The following PLA2G6 variants were observed in gnomAD, a reference collection of about 807,000 sequenced individuals.
The protein encoded by PLA2G6 is 85/88 kDa calcium-independent phospholipase A2.
PLA2G6 carries 62 observed loss-of-function variants against 83.8 expected under a neutral mutation model. The observed-to-expected ratio is 0.74, with a 90% CI of 0.60 to 0.91. The LOEUF (loss-of-function observed/expected upper bound fraction) is 0.91, where lower values mean the gene tolerates loss of function less well. PLA2G6 is among the 40% of genes least tolerant of loss of function. The pLI is 0.00. For synonymous variants in PLA2G6, 417 were observed against 449.8 expected, an observed-to-expected ratio of 0.93 and a Z score of 0.92; for missense variants, 944 against 1,102.0, an observed-to-expected ratio of 0.86 and a Z score of 2.03.
chr22:38,144,972 C>T (rs1422491066), intron 3 of PLA2G6: 1 of 366,680 alleles, frequency 2.7e-6, no homozygotes, highest in Non-Finnish European at 5.2e-6. Context: ...GGTGAGCACT[C>T]CGGACTCTGG....
At position 38,115,682 on chromosome 22, in the gene PLA2G6, C is replaced by A; in HGVS notation, c.1880-1G>T. On this transcript the variant is annotated splice_acceptor_variant, in intron 13 of 16. Coordinates refer to ENST00000332509, the MANE Select transcript of PLA2G6 (RefSeq NM_003560.4). LOFTEE classifies it high-confidence loss of function. ...CGGGCCGCCCGCCACACCAGCTGGT[C>A]TAGGGGCGGGGAAGGAGGGCGGCCC... The A allele has an allele frequency of 6.3e-7, 1 of 1,599,970 alleles. No individual in the cohort carries two copies. The highest frequency in any genetic ancestry group is 1.1e-5 in the South Asian group (1 of 89,320).
intron 9 of PLA2G6, chr22:38,127,305 C>T (rs1436363176): frequency 2.3e-5 from 29 of 1,274,864 alleles, no homozygotes; most frequent in African/African-American, 3.1e-5. Flanking sequence ...GGGGAGGGGG[C>T]GTGTGGTGTG....
At position 38,111,860 on chromosome 22, in the gene PLA2G6, C is replaced by T. The variant is rs11570769; in HGVS notation, c.*301G>A. On this transcript the variant is annotated 3_prime_UTR_variant, in exon 17 of 17. Coordinates refer to ENST00000332509, the MANE Select transcript of PLA2G6 (RefSeq NM_003560.4). ...CTGGGGGCAGGGGTACGGTTGTGCC[C>T]GGGTACCCTTAATGTTTGAGCTGAT... 1.8e-3 allele frequency: 805 copies of T among 446,950 alleles called. 16 individuals carry two copies. In the East Asian group the frequency reaches 0.031, roughly 17 times the overall value. 27.7% of individuals were successfully genotyped at this position (446,950 alleles called of 1,614,324 possible).
intron 7 of PLA2G6, chr22:38,131,806 C>T (rs992392493): frequency 5.6e-5 from 15 of 266,858 alleles, no homozygotes; most frequent in East Asian, 5.1e-4. Context: ...AACGTGCACA[C>T]GGTGGGGCGC....
chr22:38,113,946 G>A (rs1602058318), intron 14 of PLA2G6: 1 of 506,356 alleles, frequency 2.0e-6, no homozygotes, highest in South Asian at 1.8e-5. Context: ...TCTGATGCTG[G>A]CCCAAGTCAA....
intron 14 of PLA2G6, among the ~76,000 whole-genome samples, chr22:38,115,137 A>G (rs991114306): frequency 6.6e-6 from 1 of 152,204 alleles, no homozygotes; most frequent in African/African-American, 2.4e-5. Context: ...CTTTTAGCAG[A>G]GGCCTCACGG....
At chr22:38,164,099 T>C (rs2090124656) in intron 2 of PLA2G6, among the ~76,000 whole-genome samples, 1 of 152,140 alleles carries the variant, frequency 6.6e-6, no homozygotes, top group South Asian at 2.1e-4. Flanking sequence ...ATGCCAGCCG[T>C]AAATGATTAA....
intron 1 of PLA2G6, among the ~76,000 whole-genome samples, chr22:38,173,772 G>A (rs954051810): frequency 6.6e-6 from 1 of 152,202 alleles, no homozygotes; most frequent in Non-Finnish European, 1.5e-5. Flanking sequence ...AATTAAGGCC[G>A]GGCACAGTGG....
intron 1 of PLA2G6, among the ~76,000 whole-genome samples, chr22:38,177,810 G>T (rs143315414): frequency 6.6e-6 from 1 of 152,092 alleles, no homozygotes; most frequent in Non-Finnish European, 1.5e-5. Flanking sequence ...AAAGGTCCAG[G>T]TCTCTCCACA....
chr22:38,172,076 T>A (rs2090458424), intron 1 of PLA2G6, among the ~76,000 whole-genome samples: 1 of 152,132 alleles, frequency 6.6e-6, no homozygotes. Context: ...CAACTGCCCC[T>A]CCTGCCAGAC....
intron 1 of PLA2G6, among the ~76,000 whole-genome samples, chr22:38,173,659 G>A (rs1237490499): frequency 6.6e-6 from 1 of 152,186 alleles, no homozygotes; most frequent in African/African-American, 2.4e-5. Flanking sequence ...CCCTGGAGGA[G>A]CTGAAGGACG....
At chr22:38,174,383 G>A (rs909475266) in intron 1 of PLA2G6, among the ~76,000 whole-genome samples, 3 of 150,158 alleles carry the variant, frequency 2.0e-5, no homozygotes, top group African/African-American at 4.9e-5. Context: ...GGGCGAGAGC[G>A]AGACTCTGTC....
chr22:38,172,852 C>G (rs995090997), intron 1 of PLA2G6, among the ~76,000 whole-genome samples: 1 of 152,214 alleles, frequency 6.6e-6, no homozygotes, highest in Admixed American at 6.5e-5. Flanking sequence ...CCCACCAGAG[C>G]CTGGGGCTAG....
At chr22:38,115,207 AC>A (rs2087116557) in intron 14 of PLA2G6, among the ~76,000 whole-genome samples, 2 of 152,128 alleles carry the variant, frequency 1.3e-5, no homozygotes, top group South Asian at 4.1e-4. Context: ...CTGTCTATCC[AC>A]AGAGGTGAGC....
intron 10 of PLA2G6, chr22:38,126,103 G>A: frequency 1.9e-6 from 1 of 522,038 alleles, no homozygotes. Context: ...ATCAGGGAGG[G>A]AGGCCAGAAC....
chr22:38,168,124 T>A (rs930326559), intron 2 of PLA2G6: 1 of 158,856 alleles, frequency 6.3e-6, no homozygotes, highest in African/African-American at 2.4e-5. Flanking sequence ...CTATGACGCC[T>A]GTTTGCACCG....
chr22:38,137,212 T>G (rs1293224583), intron 5 of PLA2G6: 1 of 152,372 alleles, frequency 6.6e-6, no homozygotes, highest in Non-Finnish European at 1.5e-5. Context: ...ACAGCCCTTA[T>G]GCCAGCGCTT....
chr22:38,171,679 G>A (rs2090443936), intron 1 of PLA2G6, among the ~76,000 whole-genome samples: 1 of 152,014 alleles, frequency 6.6e-6, no homozygotes, highest in East Asian at 1.9e-4. Flanking sequence ...AAATTAGCTG[G>A]GCATGGTGGT....
chr22:38,112,451 A>G (rs1290157798), intron 16 of PLA2G6, 53 bp downstream of exon 16: 11 of 1,500,568 alleles, frequency 7.3e-6, no homozygotes, highest in Non-Finnish European at 1.0e-5. Context: ...AAGGTCGGTG[A>G]GTCCGACCAC....
Sources: allele counts gnomAD v4.1 joint callset (sites outside exome capture counted in the v4.1 genomes callset), GRCh38; gene constraint gnomAD v4.1.1; transcripts MANE v1.5; gene names NCBI Gene and HGNC (gene_info 2026-07-23, HGNC 2026-07-21).